The following GNAQ variants were observed in gnomAD, a reference collection of about 807,000 sequenced individuals.
The protein encoded by GNAQ is guanine nucleotide-binding protein G(q) subunit alpha.
A neutral mutation model predicts 43.9 loss-of-function variants in GNAQ; 8 were observed. The ratio of observed to expected loss-of-function variants is 0.18; its 90% CI spans 0.11 to 0.33. The LOEUF (loss-of-function observed/expected upper bound fraction) is 0.33. GNAQ is among the 10% of genes least tolerant of loss of function. The pLI is 1.00. For synonymous variants in GNAQ, 155 were observed against 170.7 expected (o/e 0.91, Z 0.71); for missense variants, 158 against 450.8 (o/e 0.35, Z 5.88).
intron 1 of GNAQ, among the ~76,000 whole-genome samples, chr9:77,942,929 T>C (rs139245323): frequency 1.3e-5 from 2 of 152,222 alleles, no homozygotes; most frequent in South Asian, 4.1e-4. Flanking sequence ...CTGCTGCACT[T>C]GGATCCAATA....
At chr9:78,026,029 C>CATA (rs371965606) in intron 1 of GNAQ, among the ~76,000 whole-genome samples, 2 of 152,130 alleles carry the variant, frequency 1.3e-5, no homozygotes, top group African/African-American at 4.8e-5. Flanking sequence ...GAAAACTGAA[C>CATA]ATAAGCCATT....
At chr9:78,017,395 A>G (rs928502376) in intron 1 of GNAQ, among the ~76,000 whole-genome samples, 2 of 152,252 alleles carry the variant, frequency 1.3e-5, no homozygotes, top group African/African-American at 2.4e-5. Context: ...TATGTTCCAA[A>G]AGATTTATAT....
intron 1 of GNAQ, among the ~76,000 whole-genome samples, chr9:77,932,931 T>C (rs1829173007): frequency 6.6e-6 from 1 of 152,012 alleles, no homozygotes; most frequent in South Asian, 2.1e-4. Context: ...AGTTTGGAGA[T>C]GGATGAAGTG....
At chr9:77,767,115 A>G (rs2118359000) in intron 5 of GNAQ, among the ~76,000 whole-genome samples, 1 of 152,228 alleles carries the variant, frequency 6.6e-6, no homozygotes, top group African/African-American at 2.4e-5. Flanking sequence ...ATGAACCTCT[A>G]ACTTCATAAT....
chr9:77,927,655 CTT>C (rs1168709865), intron 1 of GNAQ, among the ~76,000 whole-genome samples: 1 of 149,704 alleles, frequency 6.7e-6, no homozygotes. Context: ...ACCACTTCTA[CTT>C]TTTTTTTTCA....
At chr9:77,976,216 A>G (rs1823299690) in intron 1 of GNAQ, among the ~76,000 whole-genome samples, 1 of 152,210 alleles carries the variant, frequency 6.6e-6, no homozygotes, top group Admixed American at 6.5e-5. Flanking sequence ...CTTTTAGAAA[A>G]AGGTAGAACA....
At chr9:77,872,561 A>G (rs949768594) in intron 2 of GNAQ, among the ~76,000 whole-genome samples, 6 of 152,324 alleles carry the variant, frequency 3.9e-5, no homozygotes, top group South Asian at 2.1e-4. Context: ...ATACAAACAT[A>G]TATTTCATAA....
chr9:78,007,179 G>C (rs1823717557), intron 1 of GNAQ, among the ~76,000 whole-genome samples: 1 of 151,888 alleles, frequency 6.6e-6, no homozygotes, highest in Non-Finnish European at 1.5e-5. Context: ...AAAAGGCAAG[G>C]AACAACCATT....
At chr9:77,938,343 A>G (rs1260371928) in intron 1 of GNAQ, among the ~76,000 whole-genome samples, 3 of 152,230 alleles carry the variant, frequency 2.0e-5, no homozygotes, top group African/African-American at 4.8e-5. Context: ...TATGTAACAC[A>G]TGACAGAGTT....
At chr9:77,924,405 C>T (rs1829039728) in intron 1 of GNAQ, among the ~76,000 whole-genome samples, 1 of 152,038 alleles carries the variant, frequency 6.6e-6, no homozygotes. Flanking sequence ...ATCCCAGAGC[C>T]AAAGGTTTGC....
intron 5 of GNAQ, among the ~76,000 whole-genome samples, chr9:77,770,058 G>T (rs139486292): frequency 6.6e-6 from 1 of 152,122 alleles, no homozygotes; most frequent in Non-Finnish European, 1.5e-5. Flanking sequence ...CTAGTGAATG[G>T]TACTGAATAA....
chr9:77,809,157 G>A (rs190977570), intron 3 of GNAQ, among the ~76,000 whole-genome samples: 49 of 152,310 alleles, frequency 3.2e-4, no homozygotes, highest in African/African-American at 1.2e-3. Flanking sequence ...AAACTCCAAT[G>A]TTGACTTATG....
intron 1 of GNAQ, among the ~76,000 whole-genome samples, chr9:77,924,803 T>G (rs923145068): frequency 6.6e-6 from 1 of 152,058 alleles, no homozygotes; most frequent in African/African-American, 2.4e-5. Context: ...AACTCTAAGA[T>G]ATTTTCCTGT....
intron 1 of GNAQ, among the ~76,000 whole-genome samples, chr9:77,948,523 G>C (rs565139063): frequency 1.3e-5 from 2 of 152,164 alleles, no homozygotes; most frequent in Non-Finnish European, 2.9e-5. Flanking sequence ...CAGAGGGGGG[G>C]CAGATGACTG....
intron 2 of GNAQ, among the ~76,000 whole-genome samples, chr9:77,910,229 C>T (rs780732026): frequency 6.6e-6 from 1 of 152,114 alleles, no homozygotes; most frequent in Non-Finnish European, 1.5e-5. Flanking sequence ...TCTCCAGTGG[C>T]GTAAAAATGA....
At chr9:77,808,739 A>G (rs1156789793) in intron 3 of GNAQ, among the ~76,000 whole-genome samples, 1 of 152,116 alleles carries the variant, frequency 6.6e-6, no homozygotes, top group Non-Finnish European at 1.5e-5. Context: ...TGTCTGAGGA[A>G]AGTGACGCTT....
At chr9:77,988,151 A>G (rs1398943058) in intron 1 of GNAQ, among the ~76,000 whole-genome samples, 4 of 152,240 alleles carry the variant, frequency 2.6e-5, no homozygotes, top group Non-Finnish European at 4.4e-5. Flanking sequence ...AGAGGAGTAG[A>G]AGGAGATGAT....
At chr9:77,761,384 G>A (rs1335690770) in intron 5 of GNAQ, among the ~76,000 whole-genome samples, 19 of 119,312 alleles carry the variant, frequency 1.6e-4, no homozygotes, top group East Asian at 5.8e-4. Context: ...GCCTCTGCCC[G>A]GCCGCCCCTA....
chr9:77,774,675 T>C (rs1826280930), intron 5 of GNAQ, among the ~76,000 whole-genome samples: 1 of 152,148 alleles, frequency 6.6e-6, no homozygotes, highest in African/African-American at 2.4e-5. Flanking sequence ...GTTGTCCAGG[T>C]TGGACTCCAA....
Sources: gnomAD v4.1 joint callset for allele counts (sites outside exome capture counted in the v4.1 genomes callset) on GRCh38, gnomAD v4.1.1 for gene constraint, MANE v1.5 for transcripts, NCBI Gene and HGNC (gene_info 2026-07-23, HGNC 2026-07-21) for gene names.